NPEPL1: variants seen among roughly 807,000 people sequenced by gnomAD.
The protein encoded by NPEPL1 is aminopeptidase like 1.
A neutral mutation model predicts 52.4 loss-of-function variants in NPEPL1; 45 were observed. The ratio of observed to expected loss-of-function variants is 0.86; its 90% CI spans 0.68 to 1.10. NPEPL1 has a LOEUF of 1.10. Ranked by LOEUF, NPEPL1 falls within the 50% of genes least tolerant of loss-of-function variation. The pLI is 0.00. For synonymous variants in NPEPL1, 360 were observed against 314.7 expected (o/e 1.14, Z -1.52); for missense variants, 696 against 710.9 (o/e 0.98, Z 0.24).
At position 58,713,712 on chromosome 20, in the gene NPEPL1, G is replaced by T; in HGVS notation, c.1125+169G>T. 1.8e-6 allele frequency: 2 copies of T among 1,125,242 alleles called. No homozygotes were observed. Among genetic ancestry groups the T allele is most frequent in the Non-Finnish European group, 2.4e-6 (2 of 826,218 alleles). 69.7% of individuals were successfully genotyped at this position (1,125,242 alleles called of 1,614,324 possible). ...CGTCAAGCTTGGTGTGGGCAGTACC[G>T]AGGCCCAGGCTGGATGCAGAGCCGG... On this transcript the variant is annotated intron_variant, in intron 9 of 11. Transcript: ENST00000356091. The surrounding 1 kb of genome is among the most constrained non-coding windows in gnomAD (Gnocchi z 4.6).
chr20:58,698,611 G>A, intron 3 of NPEPL1, 73 bp from the exon 4 acceptor site: 1 of 1,257,592 alleles, frequency 8.0e-7, no homozygotes, highest in Non-Finnish European at 1.2e-6. Context: ...GCTGCCTTTT[G>A]TTCCTGGGGG....
At position 58,707,111 on chromosome 20, in the gene NPEPL1, T is replaced by A; in HGVS notation, c.823-12T>A. 1 of 1,550,736 alleles carries A rather than the reference T, an allele frequency of 6.4e-7. No homozygotes were observed. Among genetic ancestry groups the A allele is most frequent in the East Asian group, 2.4e-5 (1 of 40,940 alleles). ...GCTCACCTTTGTCCTGGTCCCTTTG[T>A]ACCACCCGCAGACTACCATGCCGGG... On this transcript the variant is annotated splice_polypyrimidine_tract_variant and intron_variant, in intron 6 of 11. Transcript: ENST00000356091.
chr20:58,709,170 C>A (rs148561685), intron 7 of NPEPL1, among the ~76,000 whole-genome samples: 3 of 151,844 alleles, frequency 2.0e-5, no homozygotes, highest in Non-Finnish European at 2.9e-5. Context: ...GCTGAGGACA[C>A]CCCACCCCCA....
At chr20:58,712,421 T>TC (rs1467584639) in intron 7 of NPEPL1, 58 bp from the exon 8 acceptor site, 4 of 1,169,070 alleles carry the variant, frequency 3.4e-6, no homozygotes, top group African/African-American at 3.0e-5. Flanking sequence ...CAGCTCGTCC[T>TC]CCCCCCTCCC....
Position 58,713,341 on chromosome 20 carries a change from G to T in NPEPL1, c.1002-79G>T. The T allele has an allele frequency of 6.8e-7, 1 of 1,476,836 alleles. No homozygotes were observed. The highest frequency in any genetic ancestry group is 9.1e-7 in the Non-Finnish European group (1 of 1,103,326). The allele number at this position is 1,476,836 out of a possible 1,614,324, so 91.5% of individuals were successfully genotyped here. A position where few individuals can be genotyped will look rare whatever the true frequency, so the allele number is the denominator to read the frequency against. On this transcript the variant is annotated intron_variant, in intron 8 of 11. Transcript: ENST00000356091. The surrounding 1 kb of genome is among the most constrained non-coding windows in gnomAD (Gnocchi z 4.6). ...ACAGGGATGGGCAGCTCCAAATGGGGTCTCCCCAGTTTCAAAGGGGCTCAT... is the reference window on the plus strand; with the variant it reads ...ACAGGGATGGGCAGCTCCAAATGGGTTCTCCCCAGTTTCAAAGGGGCTCAT...
At chr20:58,693,959 A>C (rs1160173032) in intron 2 of NPEPL1, 37 bp downstream of exon 2, 9 of 1,518,318 alleles carry the variant, frequency 5.9e-6, no homozygotes, top group Admixed American at 2.0e-5. Context: ...CGGTGCTCCT[A>C]GTCGGGCAGC....
intron 6 of NPEPL1, among the ~76,000 whole-genome samples, chr20:58,702,326 G>A (rs1226865246): frequency 2.6e-5 from 4 of 152,168 alleles, no homozygotes; most frequent in Admixed American, 1.3e-4. Context: ...TTTGGTTTGC[G>A]GTAGGCCCCA....
Position 58,713,495 on chromosome 20 carries a change from C to T in NPEPL1, c.1077C>T (p.Asp359=). Residue 359 remains aspartate, a synonymous_variant, in exon 9 of 12, where the codon GAC becomes GAT. Coordinates refer to ENST00000356091, the MANE Select transcript of NPEPL1 (RefSeq NM_024663.4). The surrounding 1 kb of genome is among the most constrained non-coding windows in gnomAD (Gnocchi z 4.6). ...ATGGCGTGTCCTATGCTTGCAAGGA[C>T]CTGGGGGCCGACATCATCCTGGACA... ...LADGVSYACK[D]LGADIILDMA... 1.2e-6 allele frequency: 2 copies of T among 1,611,512 alleles called. No homozygotes were observed. The highest frequency in any genetic ancestry group is 1.1e-5 in the South Asian group (1 of 90,544).
At chr20:58,711,107 C>CCCCTCCT (rs1568859787) in intron 7 of NPEPL1, 1 of 78,068 alleles carries the variant, frequency 1.3e-5, no homozygotes, top group African/African-American at 1.1e-4. Context: ...CCTCCTCCTC[C>CCCCTCCT]CCCCCTCCTC....
At chr20:58,704,189 C>T (rs2084692933) in intron 6 of NPEPL1, 1 of 985,396 alleles carries the variant, frequency 1.0e-6, no homozygotes, top group Non-Finnish European at 1.2e-6. Flanking sequence ...ACGCAGCAGG[C>T]ATTCTCCCCA....
At chr20:58,708,804 G>A (rs1276028792) in intron 7 of NPEPL1, among the ~76,000 whole-genome samples, 2 of 152,134 alleles carry the variant, frequency 1.3e-5, no homozygotes, top group East Asian at 3.9e-4. Context: ...GCCCAGCTGT[G>A]CGGTGCTCGC....
intron 5 of NPEPL1, among the ~76,000 whole-genome samples, chr20:58,699,763 A>G (rs563503853): frequency 7.2e-5 from 11 of 152,040 alleles, no homozygotes; most frequent in Non-Finnish European, 1.3e-4. Flanking sequence ...ACCTTTCCCC[A>G]CTGCCCAGGA....
upstream of NPEPL1, chr20:58,691,794 G>GT (rs1568844248): frequency 3.2e-6 from 5 of 1,546,294 alleles, no homozygotes; most frequent in Non-Finnish European, 8.7e-7. Flanking sequence ...ACAGAGGAGG[G>GT]TACCAACCAA....
At chr20:58,693,114 G>C in intron 1 of NPEPL1, 64 bp downstream of exon 1, 1 of 975,296 alleles carries the variant, frequency 1.0e-6, no homozygotes, top group South Asian at 4.6e-5. Context: ...GCGGCCCGCG[G>C]AGGCCCCGCC....
chr20:58,714,915 C>T (rs892232439), intron 11 of NPEPL1: 10 of 612,398 alleles, frequency 1.6e-5, no homozygotes, highest in Non-Finnish European at 2.6e-5. Flanking sequence ...CACCCATCCC[C>T]ACCCTGAGGA....
At chr20:58,712,112 C>CGTGTGTGT (rs3040648) in intron 7 of NPEPL1, among the ~76,000 whole-genome samples, 26 of 84,444 alleles carry the variant, frequency 3.1e-4, no homozygotes, top group African/African-American at 6.3e-4. Flanking sequence ...TGTGTGTGTA[C>CGTGTGTGT]GTGTGTGTGT....
chr20:58,705,657 G>T, intron 6 of NPEPL1: 1 of 428,952 alleles, frequency 2.3e-6, no homozygotes, highest in Non-Finnish European at 4.8e-6. Flanking sequence ...CAACATATGG[G>T]GGCTGGTGAA....
chr20:58,696,613 T>C (rs2084496951), intron 3 of NPEPL1, among the ~76,000 whole-genome samples: 1 of 152,234 alleles, frequency 6.6e-6, no homozygotes, highest in Non-Finnish European at 1.5e-5. Context: ...CCCAGTGCCG[T>C]GCCTTGAGGT....
In NPEPL1 at chr20:58,707,138, A is replaced by T; in HGVS notation, c.838A>T (p.Met280Leu). The T allele has an allele frequency of 6.4e-7, 1 of 1,552,312 alleles. No individual in the cohort carries two copies. Among genetic ancestry groups the T allele is most frequent in the Non-Finnish European group, 8.7e-7 (1 of 1,147,622 alleles). ...SIKGKTTMPG[M>L]KRDCGGAAAV... ...CCACCCGCAGACTACCATGCCGGGG[A>T]TGAAGCGAGACTGCGGGGGTGCTGC... The change falls in exon 7 of 12, where the codon ATG becomes TTG. Residue 280 changes from methionine to leucine, a missense_variant. Physicochemically the swap from Met to Leu is conservative, Grantham distance 15. Transcript: ENST00000356091.
Sources: gnomAD v4.1 joint callset for allele counts (sites outside exome capture counted in the v4.1 genomes callset) on GRCh38, gnomAD v4.1.1 for gene constraint, Gnocchi (gnomAD v3.1) non-coding constraint, MANE v1.5 for transcripts, NCBI Gene and HGNC (gene_info 2026-07-23, HGNC 2026-07-21) for gene names.